Variants in HIPK2 observed in about 807,000 individuals in gnomAD.
HIPK2 encodes the protein homeodomain interacting protein kinase 2.
HIPK2 carries 27 observed loss-of-function variants against 113.7 expected under a neutral mutation model. The ratio of observed to expected loss-of-function variants is 0.24; its 90% confidence interval spans 0.17 to 0.33. The LOEUF (loss-of-function observed/expected upper bound fraction) is 0.33, where lower values mean the gene tolerates loss of function less well. Among genes scored for constraint, HIPK2 ranks in the 10% least tolerant of loss-of-function variants. The probability of loss-of-function intolerance (pLI) is 1.00; values close to 1 mark genes in which losing one functional copy is unlikely to be tolerated. For missense variants in HIPK2, 1,257 were observed against 1,588.0 expected (o/e 0.79, Z 3.54); for synonymous variants, 631 against 642.2 (o/e 0.98, Z 0.26).
intron 9 of HIPK2, among the ~76,000 whole-genome samples, chr7:139,611,324 T>C (rs1799809987): frequency 6.6e-6 from 1 of 152,108 alleles, no homozygotes; most frequent in Non-Finnish European, 1.5e-5. Context: ...ACAAACTGAA[T>C]CCAATATTAA....
intron 2 of HIPK2, among the ~76,000 whole-genome samples, chr7:139,667,584 T>G (rs1057500964): frequency 6.6e-6 from 1 of 152,220 alleles, no homozygotes; most frequent in Non-Finnish European, 1.5e-5. Flanking sequence ...AGGATCCTAA[T>G]GTAGTGACTG....
At position 139,572,663 on chromosome 7, in the gene HIPK2, C is replaced by G. The variant is rs374836358; in HGVS notation, c.*264G>C. 1 of 377,308 alleles carries G rather than the reference C, an allele frequency of 2.7e-6. No individual in the cohort carries two copies. Among genetic ancestry groups the G allele is most frequent in the Non-Finnish European group, 4.7e-6 (1 of 212,456 alleles). The allele number at this position is 377,308 out of a possible 1,614,324, so 23.4% of individuals were successfully genotyped here. On this transcript the variant is annotated 3_prime_UTR_variant, in exon 15 of 15. Coordinates refer to ENST00000406875, the MANE Select transcript of HIPK2 (RefSeq NM_022740.5). ...ATAAAAACCATAGATTTCCCACCCTCTTTAATCCCTTCCTTTTAAAAATGT... is the reference window on the plus strand; with the variant it reads ...ATAAAAACCATAGATTTCCCACCCTGTTTAATCCCTTCCTTTTAAAAATGT...
chr7:139,704,261 TATACCCAACATAC>T (rs1794821092), intron 2 of HIPK2, among the ~76,000 whole-genome samples: 1 of 49,544 alleles, frequency 2.0e-5, no homozygotes, highest in Non-Finnish European at 3.8e-5. Context: ...ACACCCACAC[TATACCCAACATAC>T]ACACCCAACA....
intron 6 of HIPK2, among the ~76,000 whole-genome samples, chr7:139,622,443 C>T (rs150214495): frequency 3.9e-5 from 6 of 152,290 alleles, no homozygotes; most frequent in African/African-American, 1.4e-4. Flanking sequence ...GGGCTTAAAG[C>T]ATTTGGTTTC....
rs557778930 is a variant in HIPK2, at chr7:139,646,859, C to T, written c.1104-15134G>A. 2.7e-3 allele frequency among the ~76,000 whole-genome samples: 413 copies of T among 151,234 alleles called. 2 individuals are homozygous for T. Among genetic ancestry groups the T allele is most frequent in the Non-Finnish European group, 2.9e-3 (197 of 67,834 alleles). ...AAGTCAGAGAAGAAAGAGTGAGGGG[C>T]GGTGAGGCAGCACCTGAGACTCTTG... is the stretch of plus-strand genomic sequence containing the variant. On this transcript the variant is annotated intron_variant, in intron 2 of 14. Transcript: ENST00000406875.
At chr7:139,669,287 A>T (rs1040522643) in intron 2 of HIPK2, among the ~76,000 whole-genome samples, 3 of 152,182 alleles carry the variant, frequency 2.0e-5, no homozygotes, top group Non-Finnish European at 4.4e-5. Context: ...AATAAACAGA[A>T]GCCGTGCTCT....
chr7:139,630,265 C>T lies in HIPK2; in HGVS notation c.1347+900G>A, dbSNP rs764267637. ...TCAGGTTTATGGTTACTTGTGTGAACCAGACACCTCCCTGGGCCTTAGGAT... is the reference window on the plus strand; with the variant it reads ...TCAGGTTTATGGTTACTTGTGTGAATCAGACACCTCCCTGGGCCTTAGGAT... On this transcript the variant is annotated intron_variant, in intron 4 of 14. Transcript: ENST00000406875. This position sits in a 1 kb window ranked among gnomAD's most constrained non-coding sequence, Gnocchi z 4.0. 6.6e-6 allele frequency among the ~76,000 whole-genome samples: 1 copy of T among 152,114 alleles called. No homozygotes were observed.
At chr7:139,681,123 G>A (rs554385873) in intron 2 of HIPK2, among the ~76,000 whole-genome samples, 8 of 152,322 alleles carry the variant, frequency 5.3e-5, no homozygotes, top group South Asian at 2.1e-4. Flanking sequence ...AGGAGAGCCC[G>A]TCAACCACAG....
intron 2 of HIPK2, among the ~76,000 whole-genome samples, chr7:139,663,974 C>T (rs192177251): frequency 1.1e-4 from 17 of 152,326 alleles, no homozygotes; most frequent in Admixed American, 3.9e-4. Context: ...AGGGATCAAA[C>T]CCCAGAGGCC....
chr7:139,689,043 A>G (rs1350218969), intron 2 of HIPK2, among the ~76,000 whole-genome samples: 1 of 152,234 alleles, frequency 6.6e-6, no homozygotes, highest in Non-Finnish European at 1.5e-5. Context: ...TCTCAAAATG[A>G]AAACTTTCCT....
At chr7:139,713,582 G>GT (rs1795133205) in intron 2 of HIPK2, among the ~76,000 whole-genome samples, 1 of 152,202 alleles carries the variant, frequency 6.6e-6, no homozygotes, top group Non-Finnish European at 1.5e-5. Context: ...TTTAAACAGA[G>GT]TTTGTCGAAG....
intron 7 of HIPK2, among the ~76,000 whole-genome samples, chr7:139,618,181 A>T (rs1402686072): frequency 1.3e-5 from 2 of 152,210 alleles, no homozygotes; most frequent in Non-Finnish European, 2.9e-5. Flanking sequence ...CCTATCTCAC[A>T]ACGTTGCTGG....
At chr7:139,687,090 G>A (rs1000047503) in intron 2 of HIPK2, among the ~76,000 whole-genome samples, 2 of 152,196 alleles carry the variant, frequency 1.3e-5, no homozygotes, top group African/African-American at 4.8e-5. Context: ...TAGCAATGAA[G>A]TATTTTATTC....
intron 7 of HIPK2, among the ~76,000 whole-genome samples, chr7:139,618,340 T>C (rs777924156): frequency 6.6e-6 from 1 of 151,774 alleles, no homozygotes; most frequent in Non-Finnish European, 1.5e-5. Context: ...TAATTTTTTT[T>C]TCCTGATGTA....
chr7:139,773,877 G>T (rs1252259441), intron 1 of HIPK2, among the ~76,000 whole-genome samples: 2 of 152,092 alleles, frequency 1.3e-5, no homozygotes, highest in Non-Finnish European at 2.9e-5. Flanking sequence ...TTTCATACTT[G>T]GGGATACTTT....
chr7:139,601,723 AGGT>A (rs1156741652), intron 10 of HIPK2, among the ~76,000 whole-genome samples: 1 of 152,232 alleles, frequency 6.6e-6, no homozygotes, highest in Non-Finnish European at 1.5e-5. Context: ...GAAATGTTAA[AGGT>A]GGTGACTGAC....
At chr7:139,752,472 A>C (rs907935118) in intron 1 of HIPK2, among the ~76,000 whole-genome samples, 11 of 150,776 alleles carry the variant, frequency 7.3e-5, no homozygotes, top group African/African-American at 2.4e-4. Context: ...TTTCTCCCTC[A>C]CCTCTCCCCC....
chr7:139,622,327 A>G (rs1585289690), intron 6 of HIPK2, among the ~76,000 whole-genome samples: 3 of 152,336 alleles, frequency 2.0e-5, no homozygotes, highest in Non-Finnish European at 4.4e-5. Flanking sequence ...AAATACTCCT[A>G]ATAATGCTGT....
intron 2 of HIPK2, among the ~76,000 whole-genome samples, chr7:139,678,522 T>C (rs1361759111): frequency 2.6e-5 from 4 of 152,242 alleles, no homozygotes; most frequent in Non-Finnish European, 5.9e-5. Flanking sequence ...TCTGTTTTGT[T>C]CCATTGGTCT....
Sources: gnomAD v4.1 joint callset for allele counts (sites outside exome capture counted in the v4.1 genomes callset) on GRCh38, gnomAD v4.1.1 for gene constraint, Gnocchi (gnomAD v3.1) non-coding constraint, MANE v1.5 for transcripts, NCBI Gene and HGNC (gene_info 2026-07-23, HGNC 2026-07-21) for gene names.